Variants in SPEN observed in about 807,000 individuals in gnomAD.
SPEN encodes spen family transcriptional repressor.
Under a neutral mutation model 269.9 loss-of-function variants are expected in SPEN, and 18 were observed. That is an observed-to-expected ratio of 0.07 (90% confidence interval 0.05 to 0.10). The LOEUF is 0.10. Among genes scored for constraint, SPEN ranks in the 10% least tolerant of loss-of-function variants. The pLI, the probability that SPEN is intolerant of heterozygous loss-of-function variation, is 1.00. For synonymous variants in SPEN, 1,726 were observed against 1,765.7 expected, an observed-to-expected ratio of 0.98 and a Z score of 0.56; for missense variants, 3,822 against 4,631.2, an observed-to-expected ratio of 0.83 and a Z score of 5.07.
At chr1:15,913,701 C>T (rs2148730464) in intron 5 of SPEN, among the ~76,000 whole-genome samples, 1 of 152,018 alleles carries the variant, frequency 6.6e-6, no homozygotes, top group East Asian at 1.9e-4. Flanking sequence ...TGTGCCTGGG[C>T]AACAAAGGGA....
intron 1 of SPEN, among the ~76,000 whole-genome samples, chr1:15,872,050 C>T (rs779231905): frequency 2.6e-5 from 4 of 151,482 alleles, no homozygotes; most frequent in Non-Finnish European, 5.9e-5. Context: ...GCCTGGGCAA[C>T]ATGGCGAAAC....
Position 15,850,156 on chromosome 1 carries a change from G to C in SPEN, c.83+2006G>C, listed in dbSNP as rs1164712019. 2.0e-5 allele frequency among the ~76,000 whole-genome samples: 3 copies of C among 152,234 alleles called. No homozygotes were observed. In the South Asian group the frequency reaches 6.2e-4, roughly 32 times the overall value. ...GGCGGCCAGGACCCACTTTATGTGG[G>C]AATCAGCAGAGCCGATCTCAGAATG... On this transcript the variant is annotated intron_variant, in intron 1 of 14. Coordinates refer to ENST00000375759, the MANE Select transcript of SPEN (RefSeq NM_015001.3).
chr1:15,871,912 A>G (rs931802445), intron 1 of SPEN, among the ~76,000 whole-genome samples: 14 of 152,054 alleles, frequency 9.2e-5, no homozygotes, highest in Admixed American at 9.2e-4. Context: ...TCGTTTTTAG[A>G]CTATAAATAT....
At position 15,933,830 on chromosome 1, in the gene SPEN, C is replaced by T; in HGVS notation, c.7590C>T (p.Ser2530=). ...CAAAGGCCTCTGATGTTGACACCAG[C>T]TCCAGCACCCTGAGGAAGATTCTCA... ...PDTKASDVDT[S]SSTLRKILMD... is the part of the protein sequence containing the mutation. Residue 2530 remains serine (S), a synonymous_variant, in exon 11 of 15, where the codon AGC becomes AGT. Transcript: ENST00000375759. The surrounding 1 kb of genome is among the most constrained non-coding windows in gnomAD (Gnocchi z 5.7). The T allele has an allele frequency of 6.2e-7, 1 of 1,613,290 alleles. No individual in the cohort carries two copies. The highest frequency in any genetic ancestry group is 8.5e-7 in the Non-Finnish European group (1 of 1,180,042).
intron 3 of SPEN, among the ~76,000 whole-genome samples, chr1:15,882,857 T>C (rs2070700310): frequency 6.6e-6 from 1 of 152,170 alleles, no homozygotes; most frequent in Non-Finnish European, 1.5e-5. Context: ...TGGTAGGCCC[T>C]CATGGCTCTG....
At position 15,911,198 on chromosome 1, in the gene SPEN, G is replaced by C; in HGVS notation, c.1140G>C (p.Leu380=). The C allele has an allele frequency of 6.2e-7, 1 of 1,614,100 alleles. No individual in the cohort carries two copies. Among genetic ancestry groups the C allele is most frequent in the African/African-American group, 1.3e-5 (1 of 75,032 alleles). The change falls in exon 5 of 15, where the codon CTG becomes CTC. Residue 380 remains leucine, a synonymous_variant. Coordinates refer to ENST00000375759, the MANE Select transcript of SPEN (RefSeq NM_015001.3). ...IHGTSEERYG[L]VFFRQQEDQE... ...GAACTTCAGAAGAGAGGTATGGTCT[G>C]GTATTCTTTCGGCAGCAAGAGGACC...
intron 5 of SPEN, among the ~76,000 whole-genome samples, chr1:15,913,108 C>T (rs199743457): frequency 1.3e-5 from 2 of 152,114 alleles, no homozygotes; most frequent in East Asian, 3.9e-4. Context: ...AGTATGGAGA[C>T]TAGGTTGGAA....
At chr1:15,938,967 C>T in intron 14 of SPEN, 91 bp downstream of exon 14, 1 of 1,491,896 alleles carries the variant, frequency 6.7e-7, no homozygotes, top group Admixed American at 1.9e-5. Flanking sequence ...CCCACTAGAT[C>T]TGGCCCCAGA....
chr1:15,892,051 C>T (rs550880671), intron 3 of SPEN, among the ~76,000 whole-genome samples: 7 of 112,454 alleles, frequency 6.2e-5, no homozygotes, highest in Admixed American at 2.5e-4. Flanking sequence ...GATGGAGTCT[C>T]GCTCTGTCGC....
In SPEN at chr1:15,903,986, C is replaced by A. The variant is rs956489511; in HGVS notation, c.882-5335C>A. On this transcript the variant is annotated intron_variant, in intron 3 of 14. Transcript: ENST00000375759. ...ATACTATATCATGCATTTTGATGAACTGTTGTGATTCTTTAGCTCTAACAA... is the reference window on the plus strand; with the variant it reads ...ATACTATATCATGCATTTTGATGAAATGTTGTGATTCTTTAGCTCTAACAA... Among the ~76,000 whole-genome samples, 3 of 152,052 alleles carry A rather than the reference C, an allele frequency of 2.0e-5. No homozygotes were observed. The East Asian group carries it at 5.8e-4, about 29-fold the overall frequency.
Position 15,916,282 on chromosome 1 carries a change from A to G in SPEN, c.1395+3A>G, listed in dbSNP as rs2071066441. The G allele has an allele frequency of 6.2e-7, 1 of 1,610,510 alleles. No individual in the cohort carries two copies. Among genetic ancestry groups the G allele is most frequent in the Non-Finnish European group, 8.5e-7 (1 of 1,179,140 alleles). On this transcript the variant is annotated splice_donor_region_variant and intron_variant, in intron 6 of 14. Transcript: ENST00000375759. Reference sequence around the variant, plus strand: ...TCCAGCGCTTTGGAGAAATTGTGGTATGTTGCTTTTACTATGTAAACAATT... The same window carrying G: ...TCCAGCGCTTTGGAGAAATTGTGGTGTGTTGCTTTTACTATGTAAACAATT...
rs1054537875 is a variant in SPEN, at chr1:15,940,183, T to C, written c.*756T>C. ...CGTTTTTTTTAATCTGTGCCAAAAA[T>C]GTGTTTTCAGAGGAAATCTTATTTT... is the stretch of plus-strand genomic sequence containing the variant. On this transcript the variant is annotated 3_prime_UTR_variant, in exon 15 of 15. Coordinates refer to ENST00000375759, the MANE Select transcript of SPEN (RefSeq NM_015001.3). The C allele has an allele frequency of 3.0e-5, 7 of 230,114 alleles. No individual in the cohort carries two copies. The Admixed American group carries it at 4.0e-4, about 13-fold the overall frequency. The allele number at this position is 230,114 out of a possible 1,614,324, so 14.3% of individuals were successfully genotyped here. A position where few individuals can be genotyped will look rare whatever the true frequency, so the allele number is the denominator to read the frequency against.
rs1307106765 is a variant in SPEN, at chr1:15,848,297, G to A, written c.83+147G>A. 5 of 431,108 alleles carry A rather than the reference G, an allele frequency of 1.2e-5. No individual in the cohort carries two copies. Among genetic ancestry groups the A allele is most frequent in the African/African-American group, 8.4e-5 (4 of 47,668 alleles). The allele number at this position is 431,108 out of a possible 1,614,324, so 26.7% of individuals were successfully genotyped here. ...CGCTGTGGGACCTCGTCAGCCGCTC[G>A]GCCCGCGTCGCGGCGTTGGGCCTCG... On this transcript the variant is annotated intron_variant, in intron 1 of 14. Coordinates refer to ENST00000375759, the MANE Select transcript of SPEN (RefSeq NM_015001.3). This position sits in a 1 kb window ranked among gnomAD's most constrained non-coding sequence, Gnocchi z 5.1.
chr1:15,896,582 A>G (rs143221310), intron 3 of SPEN, among the ~76,000 whole-genome samples: 120 of 152,290 alleles, frequency 7.9e-4, no homozygotes, highest in Non-Finnish European at 2.1e-4. Flanking sequence ...AAGTGGAGCC[A>G]GTACCTGCCT....
rs531469841 is a variant in SPEN, at chr1:15,911,556, C to T, written c.1243+255C>T. Among the ~76,000 whole-genome samples, 9 of 152,298 alleles carry T rather than the reference C, an allele frequency of 5.9e-5. No homozygotes were observed. The South Asian group carries it at 1.7e-3, about 28-fold the overall frequency. ...TGCTGACTGTTAAGAGTCTGAAAGG[C>T]AGAACTGTGTAGACCCTTATTGAGT... is the stretch of plus-strand genomic sequence containing the variant. On this transcript the variant is annotated intron_variant, in intron 5 of 14. Transcript: ENST00000375759.
intron 3 of SPEN, among the ~76,000 whole-genome samples, chr1:15,893,830 G>A (rs1262914841): frequency 2.0e-5 from 3 of 152,216 alleles, no homozygotes; most frequent in African/African-American, 7.2e-5. Context: ...TTGAGGCCAG[G>A]AGTTTGAGAT....
intron 4 of SPEN, among the ~76,000 whole-genome samples, chr1:15,910,334 C>A (rs2071000974): frequency 6.6e-6 from 1 of 151,906 alleles, no homozygotes; most frequent in Non-Finnish European, 1.5e-5. Flanking sequence ...ACACAAGACC[C>A]CCAGATGGTA....
Position 15,874,274 on chromosome 1 carries a change from C to T in SPEN, c.404+1138C>T, listed in dbSNP as rs745760875. The T allele has an allele frequency of 4.4e-6, 6 of 1,366,390 alleles. No individual in the cohort carries two copies. The East Asian group carries it at 2.7e-4, about 62-fold the overall frequency. 84.6% of individuals were successfully genotyped at this position (1,366,390 alleles called of 1,614,324 possible). ...TGGTTCATCTAAATATCATTTGACA[C>T]CCTTGCCCATTAAGAAGGTGGATTA... On this transcript the variant is annotated intron_variant, in intron 2 of 14. Transcript: ENST00000375759.
In SPEN at chr1:15,932,790, G is replaced by A; in HGVS notation, c.6550G>A (p.Ala2184Thr). ...GGAACACATCGCAAAGCTCGCTGAGGCCTCTGCCTCTGCTGCCTATAAGGC... is the reference window on the plus strand; with the variant it reads ...GGAACACATCGCAAAGCTCGCTGAGACCTCTGCCTCTGCTGCCTATAAGGC... ...AVEHIAKLAEASASAAYKADA... is the reference protein window; with the variant it reads ...AVEHIAKLAETSASAAYKADA... The change falls in exon 11 of 15, where the codon GCC becomes ACC. Residue 2184 changes from alanine (A) to threonine (T), a missense_variant. Ala to Thr is a moderately conservative substitution (Grantham distance 58). Around this residue, in one of 16 missense-constraint regions of SPEN, gnomAD observed 727 missense variants for 737.9 expected, o/e 0.99. Coordinates refer to ENST00000375759, the MANE Select transcript of SPEN (RefSeq NM_015001.3). This position sits in a 1 kb window ranked among gnomAD's most constrained non-coding sequence, Gnocchi z 4.2. 1.2e-6 allele frequency: 2 copies of A among 1,614,200 alleles called. No homozygotes were observed. Among genetic ancestry groups the A allele is most frequent in the Non-Finnish European group, 1.7e-6 (2 of 1,180,036 alleles).
Sources: gnomAD v4.1 joint callset for allele counts (sites outside exome capture counted in the v4.1 genomes callset) on GRCh38, gnomAD v4.1.1 for gene constraint, gnomAD v4.1.1 regional missense constraint, Gnocchi (gnomAD v3.1) non-coding constraint, MANE v1.5 for transcripts, NCBI Gene and HGNC (gene_info 2026-07-23, HGNC 2026-07-21) for gene names.